SRPRA: variants seen among roughly 807,000 people sequenced by gnomAD.
The protein encoded by SRPRA is SRP receptor subunit alpha.
A neutral mutation model predicts 61.1 loss-of-function variants in SRPRA; 30 were observed. The observed-to-expected ratio is 0.49, with a 90% CI of 0.37 to 0.67. The LOEUF (loss-of-function observed/expected upper bound fraction) is 0.67, where lower values mean the gene tolerates loss of function less well. Among genes scored for constraint, SRPRA ranks in the 30% least tolerant of loss-of-function variants. The pLI, the probability that SRPRA is intolerant of heterozygous loss-of-function variation, is 0.00. For missense variants in SRPRA, 759 were observed against 828.4 expected (o/e 0.92, Z 1.03); for synonymous variants, 324 against 299.7 (o/e 1.08, Z -0.84).
chr11:126,268,587 T>C, intron 1 of SRPRA, 101 bp downstream of exon 1: 2 of 708,084 alleles, frequency 2.8e-6, no homozygotes, highest in Non-Finnish European at 2.1e-6. Context: ...CAGTGTGAGG[T>C]GGGCGGGGAG....
Position 126,268,871 on chromosome 11 carries a change from C to T in SRPRA, c.-67G>A, listed in dbSNP as rs1350455451. On this transcript the variant is annotated 5_prime_UTR_variant, in exon 1 of 14. Coordinates refer to ENST00000332118, the MANE Select transcript of SRPRA (RefSeq NM_003139.4). ...AGGCCGCGTTCGCCGCCGCTTCCTG[C>T]TGCGCCAAGCGCGGGACACGTCACA... is the stretch of plus-strand genomic sequence containing the variant. 28 of 1,336,166 alleles carry T rather than the reference C, an allele frequency of 2.1e-5. No homozygotes were observed. Among genetic ancestry groups the T allele is most frequent in the Non-Finnish European group, 2.9e-5 (27 of 933,664 alleles). The allele number at this position is 1,336,166 out of a possible 1,614,324, so 82.8% of individuals were successfully genotyped here. A position where few individuals can be genotyped will look rare whatever the true frequency, so the allele number is the denominator to read the frequency against.
At chr11:126,261,835 T>C (rs149080794), downstream of SRPRA, among the ~76,000 whole-genome samples, 1 of 151,904 alleles carries the variant, frequency 6.6e-6, no homozygotes, top group Non-Finnish European at 1.5e-5. Context: ...CAAAAAAAAT[T>C]TTTTTAAATT....
the SRPRA span, among the ~76,000 whole-genome samples, chr11:126,251,698 G>A: frequency 1.4e-5 from 2 of 146,928 alleles, no homozygotes; most frequent in Non-Finnish European, 3.0e-5. Flanking sequence ...TCTCTTGTCC[G>A]TTTCCTTTGT....
the SRPRA span, among the ~76,000 whole-genome samples, chr11:126,243,321 A>G: frequency 1.3e-5 from 2 of 152,194 alleles, no homozygotes; most frequent in Non-Finnish European, 2.9e-5. Context: ...GAAAATGACT[A>G]AACACAGTGG....
intron 1 of SRPRA, 83 bp from the exon 2 acceptor site, chr11:126,268,169 A>G: frequency 4.1e-6 from 5 of 1,213,010 alleles, no homozygotes; most frequent in Non-Finnish European, 6.0e-6. Flanking sequence ...CCTTTGGGAA[A>G]GAGCCAAACA....
Position 126,264,881 on chromosome 11 carries a change from G to T in SRPRA, c.1525+78C>A. 1 of 1,367,636 alleles carries T rather than the reference G, an allele frequency of 7.3e-7. No individual in the cohort carries two copies. The highest frequency in any genetic ancestry group is 1.0e-6 in the Non-Finnish European group (1 of 1,001,996). 84.7% of individuals were successfully genotyped at this position (1,367,636 alleles called of 1,614,324 possible). A position where few individuals can be genotyped will look rare whatever the true frequency, so the allele number is the denominator to read the frequency against. ...AACGAGTCTGTAGTAGCACAAGCCT[G>T]ATCTTCTGCAAATTCCAAGAGAACC... On this transcript the variant is annotated intron_variant, in intron 11 of 13. Transcript: ENST00000332118. The surrounding 1 kb of genome is among the most constrained non-coding windows in gnomAD (Gnocchi z 5.0).
chr11:126,241,527 T>C, the SRPRA span, among the ~76,000 whole-genome samples: 2 of 152,170 alleles, frequency 1.3e-5, no homozygotes, highest in Non-Finnish European at 2.9e-5. Flanking sequence ...ACTCCCTGTC[T>C]TGCTTTGTCT....
chr11:126,265,870 A>G lies in SRPRA; in HGVS notation c.1052-47T>C, dbSNP rs1950800147. On this transcript the variant is annotated intron_variant, in intron 8 of 13. Coordinates refer to ENST00000332118, the MANE Select transcript of SRPRA (RefSeq NM_003139.4). The surrounding 1 kb of genome is among the most constrained non-coding windows in gnomAD (Gnocchi z 6.3). ...TGTCAGTTCCATGTCAGCAATGACC[A>G]ATCTTTATGGTACAGGTGAGAAACG... The G allele has an allele frequency of 6.2e-7, 1 of 1,612,874 alleles. No individual in the cohort carries two copies. The highest frequency in any genetic ancestry group is 8.5e-7 in the Non-Finnish European group (1 of 1,178,900).
In SRPRA at chr11:126,267,211, C is replaced by T; in HGVS notation, c.490G>A (p.Ala164Thr). The T allele has an allele frequency of 1.9e-6, 3 of 1,614,064 alleles. No individual in the cohort carries two copies. The Middle Eastern group carries it at 5.0e-4, about 266-fold the overall frequency. Residue 164 changes from alanine to threonine, a missense_variant, in exon 4 of 14, where the codon GCA becomes ACA. This residue lies in a region of SRPRA where 475 missense variants were observed against 462.5 expected (regional missense o/e 1.03). Transcript: ENST00000332118. This position sits in a 1 kb window ranked among gnomAD's most constrained non-coding sequence, Gnocchi z 4.2. Reference protein sequence around the residue: ...ETRGEKPKEKAKNSKKKGAKK... With the variant: ...ETRGEKPKEKTKNSKKKGAKK... ...GCCCCCTTTTTTTTGCTATTCTTTG[C>T]TTTTTCCTTGGGCTTTTCCCCCCGT...
In SRPRA at chr11:126,263,605, G is replaced by A. The variant is rs933865043; in HGVS notation, c.*311C>T. 4 of 291,994 alleles carry A rather than the reference G, an allele frequency of 1.4e-5. No homozygotes were observed. The highest frequency in any genetic ancestry group is 2.2e-5 in the African/African-American group (1 of 45,722). 18.1% of individuals were successfully genotyped at this position (291,994 alleles called of 1,614,324 possible). The stretch of plus-strand genomic sequence containing the variant: ...CACTAATTATTAGCAAAGCTCTGGT[G>A]TTGGGTTCCAACCATTGGTCAAAGC... On this transcript the variant is annotated 3_prime_UTR_variant, in exon 14 of 14. Coordinates refer to ENST00000332118, the MANE Select transcript of SRPRA (RefSeq NM_003139.4).
At chr11:126,250,461 C>T in the SRPRA span, 5 of 1,389,364 alleles carry the variant, frequency 3.6e-6, no homozygotes, top group Middle Eastern at 5.4e-4. The surrounding 1 kb of genome is among the most constrained non-coding windows in gnomAD (Gnocchi z 5.1). Context: ...AACTGACCTA[C>T]CAAAGCACTT....
the SRPRA span, among the ~76,000 whole-genome samples, chr11:126,239,756 A>C: frequency 3.3e-5 from 5 of 152,136 alleles, no homozygotes; most frequent in African/African-American, 1.2e-4. Context: ...TCAAGTAATC[A>C]GCCCACCTTG....
At chr11:126,257,159 C>T in the SRPRA span, among the ~76,000 whole-genome samples, 8 of 152,192 alleles carry the variant, frequency 5.3e-5, no homozygotes, top group Non-Finnish European at 1.2e-4. Flanking sequence ...AGAAAGATCA[C>T]CCAATTTTGG....
At chr11:126,257,502 A>G in the SRPRA span, among the ~76,000 whole-genome samples, 7 of 152,242 alleles carry the variant, frequency 4.6e-5, 1 homozygote, top group South Asian at 1.0e-3. Context: ...TAGAAGGGAA[A>G]GTGTTTTCAT....
In SRPRA at chr11:126,267,699, T is replaced by C. The variant is rs1033905002; in HGVS notation, c.215A>G (p.Lys72Arg). ...FELVFVVGFQ[K>R]ILTLTYVDKL... Reference sequence around the variant, plus strand: ...GTCTACATATGTCAGTGTCAGGATCTTCTGAAAACCAACCTGTTTAGGGGA... The same window carrying C: ...GTCTACATATGTCAGTGTCAGGATCCTCTGAAAACCAACCTGTTTAGGGGA... Residue 72 changes from lysine to arginine, a missense_variant, in exon 3 of 14, where the codon AAG (lysine) becomes AGG (arginine). By Grantham distance (26) the Lys-to-Arg change is conservative. Around this residue, in one of 2 missense-constraint regions of SRPRA, gnomAD observed 475 missense variants for 462.5 expected, o/e 1.03. Coordinates refer to ENST00000332118, the MANE Select transcript of SRPRA (RefSeq NM_003139.4). The surrounding 1 kb of genome is among the most constrained non-coding windows in gnomAD (Gnocchi z 4.2). The C allele has an allele frequency of 1.9e-6, 3 of 1,614,086 alleles. No individual in the cohort carries two copies. Among genetic ancestry groups the C allele is most frequent in the Non-Finnish European group, 2.5e-6 (3 of 1,180,024 alleles).
the SRPRA span, among the ~76,000 whole-genome samples, chr11:126,242,380 A>G: frequency 6.6e-6 from 1 of 152,106 alleles, no homozygotes; most frequent in African/African-American, 2.4e-5. Context: ...GCTTGAGGGC[A>G]TGAGTTCAAG....
chr11:126,255,152 T>C, the SRPRA span, among the ~76,000 whole-genome samples: 1 of 152,250 alleles, frequency 6.6e-6, no homozygotes, highest in Admixed American at 6.5e-5. The surrounding 1 kb of genome is among the most constrained non-coding windows in gnomAD (Gnocchi z 4.6). Context: ...GGGCTTATAT[T>C]GAATTAACCA....
the SRPRA span, among the ~76,000 whole-genome samples, chr11:126,251,954 T>G: frequency 6.6e-6 from 1 of 151,998 alleles, no homozygotes. Context: ...AGTACTGGGA[T>G]TACAGGCATG....
chr11:126,237,680 TA>T, the SRPRA span, among the ~76,000 whole-genome samples: 3 of 85,902 alleles, frequency 3.5e-5, no homozygotes, highest in African/African-American at 4.7e-5. Context: ...CTGTCTCTAC[TA>T]AAAAAAAAAA....
Sources: gnomAD v4.1 joint callset for allele counts (sites outside exome capture counted in the v4.1 genomes callset) on GRCh38, gnomAD v4.1.1 for gene constraint, gnomAD v4.1.1 regional missense constraint, Gnocchi (gnomAD v3.1) non-coding constraint, MANE v1.5 for transcripts, NCBI Gene and HGNC (gene_info 2026-07-23, HGNC 2026-07-21) for gene names.